The following PDE10A variants were observed in gnomAD, a reference collection of about 807,000 sequenced individuals.
PDE10A encodes phosphodiesterase 10A.
Under a neutral mutation model 97.7 loss-of-function variants are expected in PDE10A, and 39 were observed. The observed-to-expected ratio is 0.40, with a 90% CI of 0.31 to 0.52. The LOEUF (loss-of-function observed/expected upper bound fraction) is 0.52. PDE10A is among the 20% of genes least tolerant of loss of function. PDE10A has a pLI of 0.56. For missense variants in PDE10A, 731 were observed against 1,047.8 expected, an observed-to-expected ratio of 0.70 and a Z score of 4.17; for synonymous variants, 371 against 376.8, an observed-to-expected ratio of 0.98 and a Z score of 0.18.
chr6:165,429,565 A>G (rs988284953), intron 9 of PDE10A, among the ~76,000 whole-genome samples: 1 of 152,150 alleles, frequency 6.6e-6, no homozygotes, highest in East Asian at 1.9e-4. Context: ...CATGTGAAAC[A>G]TAACATGTCA....
chr6:165,765,028 A>C, intron 1 of PDE10A, among the ~76,000 whole-genome samples: 1 of 152,184 alleles, frequency 6.6e-6, no homozygotes, highest in Non-Finnish European at 1.5e-5. Flanking sequence ...AGGTTCTCCA[A>C]GGCCCCACCA....
At chr6:165,431,519 T>G (rs776593614) in intron 7 of PDE10A, 47 bp from the exon 8 acceptor site, 2 of 817,010 alleles carry the variant, frequency 2.4e-6, no homozygotes, top group South Asian at 3.1e-5. Flanking sequence ...ATACATAACG[T>G]ATATATATAT....
At chr6:165,346,539 G>A (rs996653561) in intron 18 of PDE10A, among the ~76,000 whole-genome samples, 5 of 152,120 alleles carry the variant, frequency 3.3e-5, no homozygotes, top group East Asian at 1.9e-4. Flanking sequence ...GCACCTCTCC[G>A]CAGCGTGCAT....
At chr6:165,762,675 C>G (rs2323027) in intron 1 of PDE10A, among the ~76,000 whole-genome samples, 13,325 of 151,860 alleles carry the variant, frequency 0.088, 1,382 homozygotes, top group African/African-American at 0.25. Context: ...AAATATAGCT[C>G]TATAAAAATT....
At chr6:165,605,532 T>C (rs985171333) in intron 1 of PDE10A, among the ~76,000 whole-genome samples, 1 of 152,306 alleles carries the variant, frequency 6.6e-6, no homozygotes, top group South Asian at 2.1e-4. Flanking sequence ...ATTACTTCTG[T>C]TTAAGAACTC....
chr6:165,792,456 G>A (rs1045995762), intron 1 of PDE10A, among the ~76,000 whole-genome samples: 4 of 152,174 alleles, frequency 2.6e-5, no homozygotes, highest in Admixed American at 1.3e-4. Flanking sequence ...GGGTCTCACC[G>A]GGCTTCTCTT....
At chr6:165,335,411 A>G (rs946271348) in intron 21 of PDE10A, among the ~76,000 whole-genome samples, 1 of 152,170 alleles carries the variant, frequency 6.6e-6, no homozygotes, top group Non-Finnish European at 1.5e-5. Context: ...CCTCTGCAAA[A>G]TAACAATAAT....
chr6:165,860,961 G>A (rs1175115656), intron 1 of PDE10A, among the ~76,000 whole-genome samples: 1 of 152,192 alleles, frequency 6.6e-6, no homozygotes, highest in Non-Finnish European at 1.5e-5. Context: ...GGGCCATCCT[G>A]GCAGGGATGA....
chr6:165,492,072 T>TATGAACACCCTTATGCACATA (rs1780259299), intron 2 of PDE10A, among the ~76,000 whole-genome samples: 1 of 152,186 alleles, frequency 6.6e-6, no homozygotes, highest in Admixed American at 6.5e-5. Flanking sequence ...TCAAGGCTAC[T>TATGAACACCCTTATGCACATA]ATGAACACCC....
intron 17 of PDE10A, among the ~76,000 whole-genome samples, chr6:165,387,965 T>G (rs1450172740): frequency 6.6e-6 from 1 of 152,200 alleles, no homozygotes; most frequent in Non-Finnish European, 1.5e-5. Context: ...GATTTGCTGT[T>G]CAATATCTTC....
chr6:165,448,210 C>T (rs893751724), intron 5 of PDE10A, among the ~76,000 whole-genome samples: 1 of 152,144 alleles, frequency 6.6e-6, no homozygotes, highest in African/African-American at 2.4e-5. Context: ...ATACATTAAA[C>T]TTATGAATAT....
rs972214085 is a variant in PDE10A, at chr6:165,554,555, G to A, written c.866-10987C>T. On this transcript the variant is annotated intron_variant, in intron 1 of 21. Transcript: ENST00000539869. ...TGTAGAGAAAAGGGAACCTTTGTAC[G>A]CTGTGGTATGAATATAAATTAGTAC... is the stretch of plus-strand genomic sequence containing the variant. Among the ~76,000 whole-genome samples the A allele has an allele frequency of 7.9e-5, 12 of 152,210 alleles. 1 individual carries two copies. In the South Asian group the frequency reaches 8.3e-4, roughly 11 times the overall value.
chr6:165,433,286 T>A (rs960355436), intron 6 of PDE10A, among the ~76,000 whole-genome samples, 157 bp from the exon 7 acceptor site: 1 of 152,166 alleles, frequency 6.6e-6, no homozygotes, highest in African/African-American at 2.4e-5. Context: ...AAATCTTAGG[T>A]AAGAAAATGC....
intron 1 of PDE10A, among the ~76,000 whole-genome samples, chr6:165,876,924 C>G (rs1276197990): frequency 3.3e-5 from 5 of 152,186 alleles, no homozygotes; most frequent in Non-Finnish European, 5.9e-5. Context: ...CTGAAATGCA[C>G]CATCCACAGA....
At chr6:165,748,070 C>T (rs994266058) in intron 1 of PDE10A, among the ~76,000 whole-genome samples, 3 of 152,264 alleles carry the variant, frequency 2.0e-5, no homozygotes, top group Admixed American at 1.3e-4. Context: ...GATCCACCAC[C>T]TTCTAGGGAA....
chr6:165,872,491 C>T (rs1781230053), intron 1 of PDE10A, among the ~76,000 whole-genome samples: 1 of 152,122 alleles, frequency 6.6e-6, no homozygotes, highest in Admixed American at 6.5e-5. Context: ...CAGGCTTTCC[C>T]CAGTGCAGTG....
rs145424803 is a variant in PDE10A, at chr6:165,887,031, A to G, written c.-615+100498T>C. On this transcript the variant is annotated intron_variant, in intron 1 of 19. Transcript: ENST00000366882. ...GGACAAAGAAAAACATGAAAACATG[A>G]GCAAGATACTGAAATCATTTTAAAC... Among the ~76,000 whole-genome samples the G allele has an allele frequency of 2.0e-5, 3 of 152,374 alleles. No homozygotes were observed. In the East Asian group the frequency reaches 5.8e-4, roughly 29 times the overall value.
chr6:165,452,192 T>G (rs577846956), intron 3 of PDE10A, among the ~76,000 whole-genome samples: 1 of 152,304 alleles, frequency 6.6e-6, no homozygotes, highest in East Asian at 1.9e-4. Flanking sequence ...ATGGCTGGGT[T>G]CCTTGAATTC....
chr6:165,956,145 G>A (rs759839682), intron 1 of PDE10A, among the ~76,000 whole-genome samples: 2 of 152,154 alleles, frequency 1.3e-5, no homozygotes, highest in Admixed American at 1.3e-4. Context: ...AGTAAAATTC[G>A]TGTCATAATA....
Sources: allele counts gnomAD v4.1 joint callset (sites outside exome capture counted in the v4.1 genomes callset), GRCh38; gene constraint gnomAD v4.1.1; transcripts MANE v1.5; gene names NCBI Gene and HGNC (gene_info 2026-07-23, HGNC 2026-07-21).